ARHGAP39: variants seen among roughly 807,000 people sequenced by gnomAD.
The protein encoded by ARHGAP39 is rho GTPase-activating protein 39.
In ARHGAP39, 44 loss-of-function variants were observed where a neutral mutation model predicts 106.9. The observed-to-expected ratio is 0.41, with a 90% CI of 0.32 to 0.53. The LOEUF is 0.53. ARHGAP39 is among the 20% of genes least tolerant of loss of function. The probability of loss-of-function intolerance (pLI) is 0.21; values close to 1 mark genes in which losing one functional copy is unlikely to be tolerated. For missense variants in ARHGAP39, 1,496 were observed against 1,577.3 expected, an observed-to-expected ratio of 0.95 and a Z score of 0.87; for synonymous variants, 768 against 693.2, an observed-to-expected ratio of 1.11 and a Z score of -1.69.
chr8:144,620,198 C>T (rs114900795), intron 1 of ARHGAP39, among the ~76,000 whole-genome samples: 2,389 of 133,534 alleles, frequency 0.018, 49 homozygotes, highest in African/African-American at 0.047. Flanking sequence ...CGTGTGTGCC[C>T]GTGTGTGAGC....
chr8:144,692,748 C>CTTT, the ARHGAP39 span, among the ~76,000 whole-genome samples: 332 of 68,802 alleles, frequency 4.8e-3, no homozygotes, highest in Middle Eastern at 0.028. Context: ...TTGTAAAATT[C>CTTT]TTTTTTTTTT....
At position 144,547,928 on chromosome 8, in the gene ARHGAP39, C is replaced by A; in HGVS notation, c.1158G>T (p.Glu386Asp). ...CGTACTCCTTGCCGGCGGGACTGTA[C>A]TCCAGGCTCAGGAAGCGCTCGGGAC... ...QKCPERFLSLEYSPAGKEYVR... is the reference protein window; with the variant it reads ...QKCPERFLSLDYSPAGKEYVR... The change falls in exon 5 of 12, where the codon GAG (glutamate) becomes GAT (aspartate). Residue 386 changes from glutamate (E) to aspartate (D), a missense_variant. Physicochemically the swap from Glu to Asp is conservative, Grantham distance 45. Transcript: ENST00000377307. This position sits in a 1 kb window ranked among gnomAD's most constrained non-coding sequence, Gnocchi z 5.2. The A allele has an allele frequency of 1.3e-6, 2 of 1,589,738 alleles. No individual in the cohort carries two copies. The highest frequency in any genetic ancestry group is 2.3e-5 in the South Asian group (2 of 88,584).
At chr8:144,596,563 CCATGAGGGCTG>C (rs1819629403) in intron 2 of ARHGAP39, among the ~76,000 whole-genome samples, 2 of 152,210 alleles carry the variant, frequency 1.3e-5, no homozygotes, top group Admixed American at 1.3e-4. Flanking sequence ...TCCAGACTGG[CCATGAGGGCTG>C]CATGGAGGGG....
rs372817984 is a variant in ARHGAP39 at position 144,533,267 on chromosome 8, G to A, written c.2747C>T (p.Pro916Leu). Residue 916 changes from proline to leucine, a missense_variant, in exon 9 of 12, where the codon CCG becomes CTG. Coordinates refer to ENST00000377307, the MANE Select transcript of ARHGAP39 (RefSeq NM_025251.3). ...IRHAKNAVFS[P>L]SMFGSALQEV... ...CTGCAGTGCGCTGCCGAACATGGACGGGCTGAACACGGCGTTCTTGGCATG... is the reference window on the plus strand; with the variant it reads ...CTGCAGTGCGCTGCCGAACATGGACAGGCTGAACACGGCGTTCTTGGCATG... 23 of 1,613,038 alleles carry A rather than the reference G, an allele frequency of 1.4e-5. No individual in the cohort carries two copies. Among genetic ancestry groups the A allele is most frequent in the African/African-American group, 9.3e-5 (7 of 74,928 alleles).
At chr8:144,628,420 GGCA>G (rs1336211273) in intron 1 of ARHGAP39, among the ~76,000 whole-genome samples, 1 of 152,170 alleles carries the variant, frequency 6.6e-6, no homozygotes, top group Non-Finnish European at 1.5e-5. Context: ...CCAGATGAGA[GGCA>G]GCAGCACAGA....
At chr8:144,600,979 GGTGTGTGTGCGAGCTCATGTACCT>G (rs1291919179) in intron 2 of ARHGAP39, among the ~76,000 whole-genome samples, 1 of 139,076 alleles carries the variant, frequency 7.2e-6, no homozygotes, top group Non-Finnish European at 1.5e-5. Context: ...TGTGCGTGGA[GGTGTGTGTGCGAGCTCATGTACCT>G]GTGTGTGTGC....
intron 6 of ARHGAP39, among the ~76,000 whole-genome samples, chr8:144,542,645 C>T (rs899894377): frequency 1.4e-5 from 2 of 139,952 alleles, no homozygotes; most frequent in African/African-American, 2.7e-5. Flanking sequence ...ACCCCCACTT[C>T]GACGGAGTCT....
At chr8:144,658,071 G>A (rs1821740192) in intron 1 of ARHGAP39, among the ~76,000 whole-genome samples, 1 of 152,100 alleles carries the variant, frequency 6.6e-6, no homozygotes, top group Non-Finnish European at 1.5e-5. Context: ...TACACAGGAT[G>A]ATATATATAG....
intron 1 of ARHGAP39, among the ~76,000 whole-genome samples, chr8:144,619,845 C>G (rs550785007): frequency 2.5e-5 from 3 of 118,366 alleles, no homozygotes; most frequent in African/African-American, 9.8e-5. Flanking sequence ...TGCCCATGTG[C>G]GAGCTTGTGT....
chr8:144,697,753 A>G, the ARHGAP39 span, among the ~76,000 whole-genome samples: 1 of 152,078 alleles, frequency 6.6e-6, no homozygotes, highest in African/African-American at 2.4e-5. Context: ...CGGCCTCCCA[A>G]TGTGCTGGGA....
At chr8:144,603,857 G>C (rs1820177411) in intron 2 of ARHGAP39, among the ~76,000 whole-genome samples, 2 of 152,178 alleles carry the variant, frequency 1.3e-5, no homozygotes, top group Admixed American at 1.3e-4. Context: ...GCTGTGCCAG[G>C]AGGAAGCTAG....
In ARHGAP39 at chr8:144,530,877, G is replaced by A. The variant is rs1179848823; in HGVS notation, c.2981-6C>T. Reference sequence around the variant, plus strand: ...CCACAGCTTCAGCAGGGACGCTGGGGACACAGCACGGGGCTCAGCGGCCCT... The same window carrying A: ...CCACAGCTTCAGCAGGGACGCTGGGAACACAGCACGGGGCTCAGCGGCCCT... On this transcript the variant is annotated splice_region_variant and splice_polypyrimidine_tract_variant and intron_variant, in intron 10 of 11. Coordinates refer to ENST00000377307, the MANE Select transcript of ARHGAP39 (RefSeq NM_025251.3). The A allele has an allele frequency of 6.2e-7, 1 of 1,606,690 alleles. No homozygotes were observed. The highest frequency in any genetic ancestry group is 2.2e-5 in the East Asian group (1 of 44,776).
At chr8:144,582,341 G>A (rs1295388482) in intron 2 of ARHGAP39, among the ~76,000 whole-genome samples, 1 of 152,228 alleles carries the variant, frequency 6.6e-6, no homozygotes, top group Non-Finnish European at 1.5e-5. Flanking sequence ...AAAACAGGCT[G>A]TGATGCGCAC....
intron 1 of ARHGAP39, among the ~76,000 whole-genome samples, chr8:144,649,369 G>A (rs1821521627): frequency 6.6e-6 from 1 of 152,198 alleles, no homozygotes; most frequent in Non-Finnish European, 1.5e-5. Context: ...AGAATGGCGT[G>A]AACCCAGGAG....
At chr8:144,542,676 CG>C (rs759962591) in intron 6 of ARHGAP39, among the ~76,000 whole-genome samples, 1 of 146,792 alleles carries the variant, frequency 6.8e-6, no homozygotes, top group Non-Finnish European at 1.5e-5. Flanking sequence ...CAATGGCTCA[CG>C]CCTCTAATCC....
intron 9 of ARHGAP39, among the ~76,000 whole-genome samples, 159 bp from the exon 10 acceptor site, chr8:144,532,555 G>A (rs1254765507): frequency 6.6e-6 from 1 of 152,184 alleles, no homozygotes; most frequent in Non-Finnish European, 1.5e-5. Context: ...CACGAACGTG[G>A]GTGGGTGGCG....
intron 2 of ARHGAP39, 123 bp from the exon 3 acceptor site, chr8:144,581,400 A>G: frequency 8.7e-7 from 1 of 1,148,176 alleles, no homozygotes; most frequent in Non-Finnish European, 1.2e-6. Context: ...AGAGGAAAGC[A>G]AACCCAAGCC....
chr8:144,643,173 G>A (rs113336185), intron 1 of ARHGAP39, among the ~76,000 whole-genome samples: 3,423 of 152,014 alleles, frequency 0.023, 114 homozygotes, highest in African/African-American at 0.074. Flanking sequence ...TATCTCCACC[G>A]TATTAAGAGA....
chr8:144,696,427 C>T, the ARHGAP39 span, among the ~76,000 whole-genome samples: 2 of 152,110 alleles, frequency 1.3e-5, no homozygotes, highest in South Asian at 2.1e-4. Context: ...GGTGAGCCAC[C>T]GCACCTGGCC....
Sources: gnomAD v4.1 joint callset for allele counts (sites outside exome capture counted in the v4.1 genomes callset) on GRCh38, gnomAD v4.1.1 for gene constraint, Gnocchi (gnomAD v3.1) non-coding constraint, MANE v1.5 for transcripts, NCBI Gene and HGNC (gene_info 2026-07-23, HGNC 2026-07-21) for gene names.